CACNA1A: variants seen among roughly 807,000 people sequenced by gnomAD.
The protein encoded by CACNA1A is calcium voltage-gated channel subunit alpha1 A.
Under a neutral mutation model 262.4 loss-of-function variants are expected in CACNA1A, and 57 were observed. The observed-to-expected ratio is 0.22, with a 90% CI of 0.18 to 0.27. The LOEUF is 0.27. Among genes scored for constraint, CACNA1A ranks in the 10% least tolerant of loss-of-function variants. CACNA1A has a pLI of 1.00. For synonymous variants in CACNA1A, 1,431 were observed against 1,419.3 expected (o/e 1.01, Z -0.18); for missense variants, 2,526 against 3,562.8 (o/e 0.71, Z 7.41).
At chr19:13,410,672 T>C (rs1006416873) in intron 3 of CACNA1A, among the ~76,000 whole-genome samples, 2 of 151,984 alleles carry the variant, frequency 1.3e-5, no homozygotes, top group Admixed American at 1.3e-4. Flanking sequence ...ATCCTTCCAG[T>C]AGCCTCTTGC....
In CACNA1A at chr19:13,356,110, C is replaced by T. The variant is rs569538000; in HGVS notation, c.978+3496G>A. On this transcript the variant is annotated intron_variant, in intron 6 of 46. Coordinates refer to ENST00000360228, the MANE Select transcript of CACNA1A (RefSeq NM_001127222.2). ...AGTTAGTGGTTAATAGCAGGGCCAGCGAGGGGAATAAAGTAAGACCTCTCA... is the reference window on the plus strand; with the variant it reads ...AGTTAGTGGTTAATAGCAGGGCCAGTGAGGGGAATAAAGTAAGACCTCTCA... 2.9e-4 allele frequency among the ~76,000 whole-genome samples: 44 copies of T among 152,204 alleles called. No homozygotes were observed. The East Asian group carries it at 3.7e-3, about 13-fold the overall frequency.
chr19:13,498,992 G>A (rs779421081), intron 1 of CACNA1A, among the ~76,000 whole-genome samples: 5 of 152,130 alleles, frequency 3.3e-5, no homozygotes, highest in African/African-American at 4.8e-5. Context: ...TGGTTCCCTC[G>A]CCAGGAATGT....
chr19:13,427,045 A>C (rs190370648), intron 3 of CACNA1A, among the ~76,000 whole-genome samples: 88 of 152,356 alleles, frequency 5.8e-4, no homozygotes, highest in South Asian at 4.6e-3. Context: ...TTCCGTCTCT[A>C]AAACATTTAC....
chr19:13,413,590 A>AC (rs2060155720), intron 3 of CACNA1A, among the ~76,000 whole-genome samples: 1 of 147,732 alleles, frequency 6.8e-6, no homozygotes, highest in Non-Finnish European at 1.5e-5. Context: ...AAAAAAAAAA[A>AC]AAAAAGGCCA....
chr19:13,399,849 C>A (rs764246658), intron 3 of CACNA1A, among the ~76,000 whole-genome samples: 1 of 152,082 alleles, frequency 6.6e-6, no homozygotes, highest in Non-Finnish European at 1.5e-5. Flanking sequence ...TGGGGAGTAA[C>A]AGTAGAAGAT....
In CACNA1A at chr19:13,351,571, G is replaced by A. The variant is rs141320126; in HGVS notation, c.978+8035C>T. Among the ~76,000 whole-genome samples, 220 of 152,230 alleles carry A rather than the reference G, an allele frequency of 1.4e-3. 2 individuals are homozygous for A. Among genetic ancestry groups the A allele is most frequent in the Admixed American group, 0.014 (207 of 15,280 alleles). On this transcript the variant is annotated intron_variant, in intron 6 of 46. Coordinates refer to ENST00000360228, the MANE Select transcript of CACNA1A (RefSeq NM_001127222.2). ...GTTGCCCAGGCTGGAGTGTAATGGCGTGATCTCAGCTCACTGCAACCTCTG... is the reference window on the plus strand; with the variant it reads ...GTTGCCCAGGCTGGAGTGTAATGGCATGATCTCAGCTCACTGCAACCTCTG...
intron 44 of CACNA1A, 25 bp from the exon 45 acceptor site, chr19:13,209,523 G>A: frequency 7.8e-7 from 1 of 1,282,304 alleles, no homozygotes; most frequent in Non-Finnish European, 9.9e-7. Flanking sequence ...AGGCCGGTGG[G>A]CTGGGGTCAG....
chr19:13,313,634 G>A (rs991632655), intron 11 of CACNA1A, among the ~76,000 whole-genome samples: 6 of 151,950 alleles, frequency 3.9e-5, no homozygotes, highest in East Asian at 1.9e-4. Context: ...GCCCTGGTTC[G>A]ATGAGAAGGA....
intron 24 of CACNA1A, chr19:13,271,690 C>T (rs1337479634): frequency 6.6e-6 from 1 of 151,942 alleles, no homozygotes; most frequent in Non-Finnish European, 1.5e-5. Flanking sequence ...GCTTCTGGGT[C>T]CTTTGTAGGT....
chr19:13,331,813 C>A (rs1317758178), intron 9 of CACNA1A, among the ~76,000 whole-genome samples: 2 of 142,696 alleles, frequency 1.4e-5, no homozygotes, highest in Non-Finnish European at 3.0e-5. Context: ...GGTGCGTGTG[C>A]CCCCACATCT....
chr19:13,397,797 C>A (rs1453036455), intron 3 of CACNA1A, among the ~76,000 whole-genome samples: 1 of 152,114 alleles, frequency 6.6e-6, no homozygotes, highest in African/African-American at 2.4e-5. Flanking sequence ...TGGGTCTGTC[C>A]CAGAAACATT....
At chr19:13,306,078 G>A (rs1386163060) in intron 15 of CACNA1A, among the ~76,000 whole-genome samples, 3 of 139,618 alleles carry the variant, frequency 2.1e-5, no homozygotes, top group East Asian at 2.1e-4. Flanking sequence ...AAAAAAAATC[G>A]CTTATGTGGG....
Position 13,320,950 on chromosome 19 carries a change from A to C in CACNA1A, c.1346-3629T>G, listed in dbSNP as rs577725439. 1.3e-4 allele frequency among the ~76,000 whole-genome samples: 19 copies of C among 151,654 alleles called. No homozygotes were observed. The South Asian group carries it at 3.8e-3, about 30-fold the overall frequency. ...AGCCGGACGTGTTATTATGAAGTACATCCTAGTTCAGGGTCAGCCACATTC... is the reference window on the plus strand; with the variant it reads ...AGCCGGACGTGTTATTATGAAGTACCTCCTAGTTCAGGGTCAGCCACATTC... On this transcript the variant is annotated intron_variant, in intron 10 of 46. Transcript: ENST00000360228.
At chr19:13,382,381 C>A (rs1439948455) in intron 3 of CACNA1A, among the ~76,000 whole-genome samples, 2 of 152,182 alleles carry the variant, frequency 1.3e-5, no homozygotes, top group African/African-American at 4.8e-5. Flanking sequence ...CCACCCTGTG[C>A]AATCCCAGCT....
At chr19:13,221,736 A>C (rs112063354) in intron 38 of CACNA1A, among the ~76,000 whole-genome samples, 1 of 152,076 alleles carries the variant, frequency 6.6e-6, no homozygotes, top group African/African-American at 2.4e-5. Context: ...AGTGCCTGAC[A>C]CGGTTGGTCC....
chr19:13,307,713 A>G, intron 15 of CACNA1A, 69 bp downstream of exon 15: 1 of 1,308,752 alleles, frequency 7.6e-7, no homozygotes, highest in East Asian at 2.3e-5. Context: ...AGCCCCTTGG[A>G]TGTGGAGCAG....
At chr19:13,483,387 A>G (rs1242030834) in intron 1 of CACNA1A, among the ~76,000 whole-genome samples, 1 of 152,116 alleles carries the variant, frequency 6.6e-6, no homozygotes, top group Non-Finnish European at 1.5e-5. Context: ...ACCTTTAAGA[A>G]GACTGCTCTT....
chr19:13,503,034 T>G (rs1334698242), intron 1 of CACNA1A, among the ~76,000 whole-genome samples: 1 of 152,130 alleles, frequency 6.6e-6, no homozygotes, highest in Non-Finnish European at 1.5e-5. Flanking sequence ...GCAGGGGCGA[T>G]TCCACTCCTA....
chr19:13,388,889 A>G (rs1193238712), intron 3 of CACNA1A, among the ~76,000 whole-genome samples: 1 of 152,054 alleles, frequency 6.6e-6, no homozygotes, highest in African/African-American at 2.4e-5. Flanking sequence ...ACCCAGAACC[A>G]TATTTTTATT....
Sources: gnomAD v4.1 joint callset for allele counts (sites outside exome capture counted in the v4.1 genomes callset) on GRCh38, gnomAD v4.1.1 for gene constraint, MANE v1.5 for transcripts, NCBI Gene and HGNC (gene_info 2026-07-23, HGNC 2026-07-21) for gene names.